The following DOCK4 variants were observed in gnomAD, a reference collection of about 807,000 sequenced individuals.
The protein encoded by DOCK4 is dedicator of cytokinesis 4, also known as dedicator of cytokinesis protein 4.
DOCK4 carries 97 observed loss-of-function variants against 268.1 expected under a neutral mutation model. The observed-to-expected ratio is 0.36, with a 90% confidence interval of 0.31 to 0.43. The LOEUF (loss-of-function observed/expected upper bound fraction) is 0.43, where lower values mean the gene tolerates loss of function less well. Among genes scored for constraint, DOCK4 ranks in the 20% least tolerant of loss-of-function variants. DOCK4 has a pLI of 1.00. For synonymous variants in DOCK4, 954 were observed against 887.2 expected, an observed-to-expected ratio of 1.08 and a Z score of -1.34; for missense variants, 2,145 against 2,455.7, an observed-to-expected ratio of 0.87 and a Z score of 2.67.
intron 1 of DOCK4, among the ~76,000 whole-genome samples, chr7:112,109,193 A>G (rs992449447): frequency 2.6e-5 from 4 of 152,224 alleles, no homozygotes; most frequent in Non-Finnish European, 5.9e-5. Context: ...CAGCAGAAGC[A>G]GCATGCTGGG....
chr7:112,095,335 A>G (rs1810021949), intron 1 of DOCK4, among the ~76,000 whole-genome samples: 1 of 152,196 alleles, frequency 6.6e-6, no homozygotes, highest in Non-Finnish European at 1.5e-5. Flanking sequence ...AGGGTAAGGG[A>G]TTTTAATTGC....
chr7:111,741,178 GGAA>G lies in DOCK4; in HGVS notation c.4953_4955del (p.Ser1654del), dbSNP rs1337534323. 1 of 1,613,924 alleles carries G rather than the reference GGAA, an allele frequency of 6.2e-7. No homozygotes were observed. Among genetic ancestry groups the G allele is most frequent in the African/African-American group, 1.3e-5 (1 of 75,012 alleles). On this transcript the variant is annotated inframe_deletion, in exon 47 of 53. Coordinates refer to ENST00000428084, the MANE Select transcript of DOCK4 (RefSeq NM_001363540.2). ...CAGAAGCTTGTGAGGACAGTGAGGA[GGAA>G]GAATATCGGTTGACAGCTGGGTAAC...
At chr7:111,904,855 T>C (rs1791431214) in intron 13 of DOCK4, among the ~76,000 whole-genome samples, 1 of 152,182 alleles carries the variant, frequency 6.6e-6, no homozygotes, top group South Asian at 2.1e-4. Context: ...ATGCTGTTTC[T>C]ATGCCTTACA....
At chr7:112,199,718 G>A (rs777262303) in intron 1 of DOCK4, among the ~76,000 whole-genome samples, 2 of 152,132 alleles carry the variant, frequency 1.3e-5, no homozygotes, top group Non-Finnish European at 2.9e-5. Flanking sequence ...AATAGTGAGT[G>A]GTAAACCTAC....
At chr7:112,070,427 AAAT>A (rs1476088253) in intron 1 of DOCK4, among the ~76,000 whole-genome samples, 2 of 152,192 alleles carry the variant, frequency 1.3e-5, no homozygotes, top group African/African-American at 4.8e-5. Context: ...CATTAAAAAA[AAAT>A]GCCAAAAATC....
chr7:111,828,482 G>A (rs978577292), intron 26 of DOCK4, among the ~76,000 whole-genome samples: 1 of 152,138 alleles, frequency 6.6e-6, no homozygotes, highest in Non-Finnish European at 1.5e-5. Context: ...ACTGGGAAAT[G>A]CTAAGACAAA....
At chr7:111,881,239 A>T (rs953501011) in intron 16 of DOCK4, among the ~76,000 whole-genome samples, 7 of 152,202 alleles carry the variant, frequency 4.6e-5, no homozygotes, top group African/African-American at 1.7e-4. Context: ...AAAATCTAAT[A>T]ATCCGATTGA....
intron 16 of DOCK4, among the ~76,000 whole-genome samples, chr7:111,888,357 T>A (rs1030008216): frequency 6.6e-6 from 1 of 151,510 alleles, no homozygotes; most frequent in Non-Finnish European, 1.5e-5. Flanking sequence ...ATACCTTAGA[T>A]AACAATGGGA....
At chr7:111,977,882 TG>T (rs745652008) in intron 7 of DOCK4, among the ~76,000 whole-genome samples, 41 of 152,234 alleles carry the variant, frequency 2.7e-4, no homozygotes, top group Admixed American at 5.9e-4. Flanking sequence ...GCCAGCAAGG[TG>T]TCTAAAGCTA....
chr7:111,937,506 G>A (rs909346139), intron 11 of DOCK4, among the ~76,000 whole-genome samples: 8 of 152,148 alleles, frequency 5.3e-5, no homozygotes, highest in Non-Finnish European at 1.0e-4. Context: ...CATTGGCAGG[G>A]CTGGAATGCA....
intron 36 of DOCK4, among the ~76,000 whole-genome samples, chr7:111,772,825 CA>C (rs1798209369): frequency 1.3e-5 from 2 of 152,120 alleles, no homozygotes; most frequent in African/African-American, 4.8e-5. Context: ...CCCCAAAAAA[CA>C]AAAAGAGCAA....
At chr7:111,750,629 G>A (rs1423540003) in intron 42 of DOCK4, among the ~76,000 whole-genome samples, 3 of 152,160 alleles carry the variant, frequency 2.0e-5, no homozygotes, top group Non-Finnish European at 2.9e-5. Context: ...AAATCTCGCT[G>A]CTTTATCTGA....
At chr7:112,025,000 A>G (rs1802648078) in intron 1 of DOCK4, among the ~76,000 whole-genome samples, 1 of 152,122 alleles carries the variant, frequency 6.6e-6, no homozygotes, top group South Asian at 2.1e-4. Flanking sequence ...AAATAACCAA[A>G]TTCCCAAGTT....
intron 36 of DOCK4, among the ~76,000 whole-genome samples, chr7:111,777,057 G>A (rs1162810414): frequency 6.6e-6 from 1 of 152,108 alleles, no homozygotes; most frequent in East Asian, 1.9e-4. Flanking sequence ...GGGCTCAAGC[G>A]ATCCACCTGC....
At chr7:111,833,295 A>G (rs765615353) in intron 26 of DOCK4, among the ~76,000 whole-genome samples, 1 of 152,134 alleles carries the variant, frequency 6.6e-6, no homozygotes, top group Non-Finnish European at 1.5e-5. Context: ...TAATCTGAGT[A>G]CTTTAGGAGG....
At chr7:111,844,238 C>A (rs1007003741) in intron 25 of DOCK4, among the ~76,000 whole-genome samples, 1 of 152,120 alleles carries the variant, frequency 6.6e-6, no homozygotes, top group Non-Finnish European at 1.5e-5. Context: ...ATCACACACT[C>A]GCACTCCAAC....
chr7:112,004,054 A>C lies in DOCK4; in HGVS notation c.115T>G (p.Cys39Gly), dbSNP rs1023310281. Reference protein sequence around the residue: ...IGDTVQILEKCDGWYRGFALK... With the variant: ...IGDTVQILEKGDGWYRGFALK... ...TGTTCATAAGGCTACTCACCATCAC[A>C]CTTCTCCAGGATCTGAACTGTATCT... Residue 39 changes from cysteine to glycine, a missense_variant, in exon 2 of 53, where the codon TGT becomes GGT. Transcript: ENST00000428084. 6.2e-7 allele frequency: 1 copy of C among 1,601,394 alleles called. No individual in the cohort carries two copies. The highest frequency in any genetic ancestry group is 8.5e-7 in the Non-Finnish European group (1 of 1,173,594).
chr7:112,147,855 C>T (rs1815668157), intron 1 of DOCK4, among the ~76,000 whole-genome samples: 1 of 130,378 alleles, frequency 7.7e-6, no homozygotes, highest in African/African-American at 3.0e-5. Context: ...CAGGAGGAGG[C>T]TTGAAAGCTT....
intron 1 of DOCK4, among the ~76,000 whole-genome samples, chr7:112,079,395 C>G (rs1808380374): frequency 6.6e-6 from 1 of 152,128 alleles, no homozygotes; most frequent in African/African-American, 2.4e-5. Flanking sequence ...TAGAACGAAA[C>G]AAAACTCAGC....
Sources: gnomAD v4.1 joint callset for allele counts (sites outside exome capture counted in the v4.1 genomes callset) on GRCh38, gnomAD v4.1.1 for gene constraint, MANE v1.5 for transcripts, NCBI Gene and HGNC (gene_info 2026-07-23, HGNC 2026-07-21) for gene names.